The following ORC5 variants were observed in gnomAD, a reference collection of about 807,000 sequenced individuals.
The protein encoded by ORC5 is protein phosphatase 1, regulatory subunit 117.
Under a neutral mutation model 58.8 loss-of-function variants are expected in ORC5, and 39 were observed. That is an observed-to-expected ratio of 0.66 (90% CI 0.51 to 0.87). ORC5 has a LOEUF of 0.87. Among genes scored for constraint, ORC5 ranks in the 40% least tolerant of loss-of-function variants. The probability of loss-of-function intolerance (pLI) is 0.00; values close to 1 mark genes in which losing one functional copy is unlikely to be tolerated. For missense variants in ORC5, 493 were observed against 506.3 expected (o/e 0.97, Z 0.25); for synonymous variants, 218 against 177.6 (o/e 1.23, Z -1.81).
At chr7:104,128,946 G>A (rs1256032474) in intron 13 of ORC5, among the ~76,000 whole-genome samples, 2 of 151,378 alleles carry the variant, frequency 1.3e-5, no homozygotes, top group African/African-American at 4.9e-5. Flanking sequence ...AAGCAGGTAA[G>A]ATTAAAACAA....
chr7:104,170,449 CAG>C (rs1187381668), intron 8 of ORC5, among the ~76,000 whole-genome samples: 3 of 152,078 alleles, frequency 2.0e-5, no homozygotes, highest in Non-Finnish European at 2.9e-5. Context: ...GAAGACAAGT[CAG>C]AGAGAAGAGA....
chr7:104,166,971 AT>A, intron 9 of ORC5, 87 bp from the exon 10 acceptor site: 1 of 738,268 alleles, frequency 1.4e-6, no homozygotes, highest in Non-Finnish European at 2.4e-6. Flanking sequence ...TCATTTCCAT[AT>A]GGTATTCTCT....
intron 13 of ORC5, among the ~76,000 whole-genome samples, chr7:104,130,615 AC>A (rs753818068): frequency 6.6e-6 from 1 of 152,100 alleles, no homozygotes; most frequent in African/African-American, 2.4e-5. Context: ...CCAACCCAAG[AC>A]CTGCGTCAGC....
At chr7:104,169,732 A>G (rs1425598019) in intron 8 of ORC5, among the ~76,000 whole-genome samples, 1 of 152,164 alleles carries the variant, frequency 6.6e-6, no homozygotes, top group Non-Finnish European at 1.5e-5. Context: ...TTAGCTTTTG[A>G]AGTATTCTTT....
chr7:104,196,150 T>C (rs998308267), intron 4 of ORC5, among the ~76,000 whole-genome samples: 2 of 151,996 alleles, frequency 1.3e-5, no homozygotes, highest in Admixed American at 6.5e-5. Context: ...TAAAAAACGG[T>C]GAAAAGTCCT....
At chr7:104,205,084 CTCTT>C (rs1376126600) in intron 1 of ORC5, among the ~76,000 whole-genome samples, 15 of 102,390 alleles carry the variant, frequency 1.5e-4, no homozygotes, top group South Asian at 6.8e-4. Context: ...TTTAATAATA[CTCTT>C]TTTTTTTTTT....
At chr7:104,196,182 G>A (rs1437990810) in intron 4 of ORC5, among the ~76,000 whole-genome samples, 1 of 152,066 alleles carries the variant, frequency 6.6e-6, no homozygotes, top group Non-Finnish European at 1.5e-5. Context: ...AGGGATGCAT[G>A]ATCACCATTA....
chr7:104,155,675 G>A (rs1391081897), intron 12 of ORC5, among the ~76,000 whole-genome samples: 1 of 149,220 alleles, frequency 6.7e-6, no homozygotes, highest in African/African-American at 2.4e-5. Flanking sequence ...AAACTCTCCA[G>A]CAATTTTATT....
intron 5 of ORC5, among the ~76,000 whole-genome samples, chr7:104,192,349 A>G (rs28820003): frequency 0.058 from 8,839 of 152,200 alleles, 853 homozygotes; most frequent in African/African-American, 0.2. Context: ...GGAGAGCTAT[A>G]TGTCAATTCC....
chr7:104,137,840 C>G (rs965043674), intron 12 of ORC5, among the ~76,000 whole-genome samples: 2 of 152,182 alleles, frequency 1.3e-5, no homozygotes, highest in African/African-American at 4.8e-5. Context: ...ACTCATTTTC[C>G]AAGCCCACAT....
chr7:104,180,425 C>T (rs948612532), intron 8 of ORC5, among the ~76,000 whole-genome samples: 1 of 152,040 alleles, frequency 6.6e-6, no homozygotes, highest in Admixed American at 6.6e-5. Context: ...ATCCAGGTAA[C>T]TTTCTATATT....
At chr7:104,158,264 G>A (rs1798961509) in intron 12 of ORC5, among the ~76,000 whole-genome samples, 1 of 152,030 alleles carries the variant, frequency 6.6e-6, no homozygotes, top group Admixed American at 6.6e-5. Flanking sequence ...GGGAAAACTG[G>A]CTAGCCATAT....
At chr7:104,152,217 C>T (rs1380355953) in intron 12 of ORC5, among the ~76,000 whole-genome samples, 1 of 152,138 alleles carries the variant, frequency 6.6e-6, no homozygotes, top group African/African-American at 2.4e-5. Context: ...GGTACAATCA[C>T]AGCCCACTGT....
intron 2 of ORC5, among the ~76,000 whole-genome samples, chr7:104,201,741 C>CA (rs35974195): frequency 0.38 from 55,926 of 147,356 alleles, 12,200 homozygotes; most frequent in Non-Finnish European, 0.51. Context: ...TTTACTAAGT[C>CA]AAAAAAAAAA....
chr7:104,159,864 A>C (rs925999654), intron 12 of ORC5, among the ~76,000 whole-genome samples: 5 of 152,238 alleles, frequency 3.3e-5, no homozygotes, highest in Non-Finnish European at 7.3e-5. Context: ...CAGTAAACAC[A>C]AAACAAAAAA....
chr7:104,202,784 G>A (rs1310388046), intron 2 of ORC5, among the ~76,000 whole-genome samples: 2 of 152,170 alleles, frequency 1.3e-5, no homozygotes, highest in Non-Finnish European at 2.9e-5. Flanking sequence ...AGGCATATGT[G>A]TTTTTTAAAA....
At chr7:104,197,612 T>A in intron 4 of ORC5, 113 bp downstream of exon 4, 1 of 631,932 alleles carries the variant, frequency 1.6e-6, no homozygotes, top group Non-Finnish European at 2.7e-6. Context: ...AAATGCAAAC[T>A]AAAATTATAT....
At chr7:104,204,000 C>A in intron 2 of ORC5, 142 bp downstream of exon 2, 1 of 500,742 alleles carries the variant, frequency 2.0e-6, no homozygotes, top group Non-Finnish European at 3.6e-6. Context: ...GACAGTAGAC[C>A]ATTCATGGAG....
At chr7:104,193,976 C>T (rs1192319852) in intron 5 of ORC5, among the ~76,000 whole-genome samples, 1 of 151,382 alleles carries the variant, frequency 6.6e-6, no homozygotes, top group East Asian at 1.9e-4. Flanking sequence ...ATTAATTCAA[C>T]TTGACTGAAA....
Sources: allele counts gnomAD v4.1 joint callset (sites outside exome capture counted in the v4.1 genomes callset), GRCh38; gene constraint gnomAD v4.1.1; transcripts MANE v1.5; gene names NCBI Gene and HGNC (gene_info 2026-07-23, HGNC 2026-07-21).